Variants in SPTLC1 observed in about 807,000 individuals in gnomAD.
SPTLC1 encodes serine palmitoyltransferase long chain base subunit 1, also known as serine palmitoyltransferase 1.
Under a neutral mutation model 68.9 loss-of-function variants are expected in SPTLC1, and 55 were observed. The observed-to-expected ratio is 0.80, with a 90% CI of 0.64 to 1.00. The LOEUF is 1.00. SPTLC1 is among the 50% of genes least tolerant of loss of function. SPTLC1 has a pLI of 0.00. For synonymous variants in SPTLC1, 197 were observed against 201.6 expected (o/e 0.98, Z 0.19); for missense variants, 449 against 573.1 (o/e 0.78, Z 2.21).
At chr9:92,073,757 G>A (rs1834579248) in intron 5 of SPTLC1, among the ~76,000 whole-genome samples, 1 of 152,220 alleles carries the variant, frequency 6.6e-6, no homozygotes, top group African/African-American at 2.4e-5. Context: ...TAGGGAAGAG[G>A]CTGCCAGGCG....
chr9:92,036,739 G>A (rs992990046), intron 13 of SPTLC1, among the ~76,000 whole-genome samples: 8 of 152,230 alleles, frequency 5.3e-5, no homozygotes, highest in African/African-American at 1.9e-4. Flanking sequence ...TGTATTTAAT[G>A]TATAAATGCG....
At chr9:92,081,670 G>A (rs1017613858) in intron 3 of SPTLC1, among the ~76,000 whole-genome samples, 1 of 152,128 alleles carries the variant, frequency 6.6e-6, no homozygotes, top group African/African-American at 2.4e-5. Context: ...ACTGTTAAAG[G>A]GCTGTGAGAC....
intron 12 of SPTLC1, among the ~76,000 whole-genome samples, chr9:92,041,858 T>A (rs771826247): frequency 6.6e-6 from 1 of 152,206 alleles, no homozygotes; most frequent in African/African-American, 2.4e-5. Context: ...AATTTATGAT[T>A]TACCTTAATA....
intron 3 of SPTLC1, among the ~76,000 whole-genome samples, chr9:92,083,891 T>C (rs1318658950): frequency 6.6e-6 from 1 of 152,226 alleles, no homozygotes; most frequent in African/African-American, 2.4e-5. Context: ...TGTTCTTCCA[T>C]TTGTTTGTAT....
chr9:92,060,722 T>C (rs1834062815), intron 6 of SPTLC1, among the ~76,000 whole-genome samples: 2 of 146,394 alleles, frequency 1.4e-5, no homozygotes, highest in South Asian at 4.4e-4. Flanking sequence ...CTGGCTAACA[T>C]GGTGAAACCC....
intron 5 of SPTLC1, 52 bp downstream of exon 5, chr9:92,079,964 A>C (rs913457237): frequency 6.7e-7 from 1 of 1,489,676 alleles, no homozygotes; most frequent in Non-Finnish European, 9.4e-7. Context: ...CCTAAAATTG[A>C]ATCTTAACTA....
intron 5 of SPTLC1, among the ~76,000 whole-genome samples, chr9:92,069,702 C>T (rs755264563): frequency 6.6e-6 from 1 of 152,184 alleles, no homozygotes; most frequent in Non-Finnish European, 1.5e-5. Context: ...CACTTTGCCA[C>T]CTCTCACGTT....
intron 7 of SPTLC1, among the ~76,000 whole-genome samples, chr9:92,058,051 T>C (rs1480267258): frequency 1.3e-5 from 2 of 152,230 alleles, no homozygotes; most frequent in Non-Finnish European, 2.9e-5. Context: ...AGCTTTCTAT[T>C]ACTGCATCAT....
At chr9:92,073,354 T>C (rs1225450353) in intron 5 of SPTLC1, among the ~76,000 whole-genome samples, 1 of 152,232 alleles carries the variant, frequency 6.6e-6, no homozygotes, top group African/African-American at 2.4e-5. Context: ...GCCTTGAGCC[T>C]GGCCTCCAAG....
intron 3 of SPTLC1, among the ~76,000 whole-genome samples, chr9:92,099,035 A>AGTAT: frequency 6.6e-6 from 1 of 152,364 alleles, no homozygotes; most frequent in Non-Finnish European, 1.5e-5. Context: ...GGAAAACAAA[A>AGTAT]GTATCCAATA....
At chr9:92,053,625 T>C (rs2118497256) in intron 8 of SPTLC1, among the ~76,000 whole-genome samples, 1 of 152,338 alleles carries the variant, frequency 6.6e-6, no homozygotes, top group South Asian at 2.1e-4. Context: ...ACAATGTTAA[T>C]GAACTTTAAA....
intron 3 of SPTLC1, among the ~76,000 whole-genome samples, chr9:92,084,001 G>C (rs1220995233): frequency 3.9e-5 from 6 of 152,174 alleles, no homozygotes; most frequent in East Asian, 1.9e-4. Context: ...CTCTTTGAAG[G>C]AATTGTGAAT....
At chr9:92,079,867 C>A in intron 5 of SPTLC1, 149 bp downstream of exon 5, 1 of 752,030 alleles carries the variant, frequency 1.3e-6, no homozygotes, top group Non-Finnish European at 2.4e-6. Context: ...ATTGCCCATG[C>A]TGGTATCAAA....
intron 3 of SPTLC1, among the ~76,000 whole-genome samples, chr9:92,104,113 G>A (rs1321989579): frequency 1.3e-5 from 2 of 152,202 alleles, no homozygotes; most frequent in East Asian, 3.9e-4. Context: ...GATGCCCAGT[G>A]TGCACCCGGC....
chr9:92,055,378 A>T (rs1833851296), intron 8 of SPTLC1, 27 bp downstream of exon 8: 1 of 1,612,458 alleles, frequency 6.2e-7, no homozygotes, highest in Non-Finnish European at 8.5e-7. Context: ...CCAAATATTA[A>T]AATTACAGCT....
At chr9:92,104,404 G>A (rs1471275185) in intron 3 of SPTLC1, 3 of 1,390,372 alleles carry the variant, frequency 2.2e-6, no homozygotes, top group African/African-American at 1.5e-5. Context: ...TTCTTTTCCA[G>A]TCAGGTGGGA....
chr9:92,067,582 G>A (rs980626397), intron 6 of SPTLC1, among the ~76,000 whole-genome samples: 1 of 152,176 alleles, frequency 6.6e-6, no homozygotes, highest in Non-Finnish European at 1.5e-5. Context: ...AAGGTAGGAA[G>A]CAAGATCAGC....
chr9:92,106,322 A>C (rs1312432777), intron 3 of SPTLC1, among the ~76,000 whole-genome samples: 2 of 151,934 alleles, frequency 1.3e-5, no homozygotes, highest in African/African-American at 4.8e-5. Flanking sequence ...GAAAATACAA[A>C]AATTAGGCAG....
chr9:92,084,472 G>T (rs1033630557), intron 3 of SPTLC1, among the ~76,000 whole-genome samples: 6 of 152,302 alleles, frequency 3.9e-5, no homozygotes, highest in Admixed American at 1.3e-4. Flanking sequence ...TTTTGTCAAA[G>T]GCCTTTTCTG....
Sources: allele counts gnomAD v4.1 joint callset (sites outside exome capture counted in the v4.1 genomes callset), GRCh38; gene constraint gnomAD v4.1.1; transcripts MANE v1.5; gene names NCBI Gene and HGNC (gene_info 2026-07-23, HGNC 2026-07-21).